LRP1B: variants seen among roughly 807,000 people sequenced by gnomAD.
The protein encoded by LRP1B is LDL receptor related protein 1B, also known as low-density lipoprotein receptor-related protein 1B.
Under a neutral mutation model 556.6 loss-of-function variants are expected in LRP1B, and 217 were observed. That is an observed-to-expected ratio of 0.39 (90% CI 0.35 to 0.44). LRP1B has a LOEUF of 0.44. LRP1B is among the 20% of genes least tolerant of loss of function. LRP1B has a pLI of 1.00. For missense variants in LRP1B, 5,053 were observed against 5,620.8 expected (o/e 0.90, Z 3.23); for synonymous variants, 2,047 against 1,865.8 (o/e 1.10, Z -2.50).
chr2:140,946,746 A>G (rs1695560316), intron 20 of LRP1B, among the ~76,000 whole-genome samples: 1 of 152,154 alleles, frequency 6.6e-6, no homozygotes, highest in Non-Finnish European at 1.5e-5. Flanking sequence ...TCACTGCACT[A>G]CTCACAGTGG....
At chr2:141,737,540 A>G (rs932564568) in intron 2 of LRP1B, among the ~76,000 whole-genome samples, 1 of 152,104 alleles carries the variant, frequency 6.6e-6, no homozygotes, top group African/African-American at 2.4e-5. Flanking sequence ...ATAATAAATT[A>G]TTGCCTTCAG....
intron 56 of LRP1B, among the ~76,000 whole-genome samples, chr2:140,494,426 C>T (rs957639996): frequency 6.6e-6 from 1 of 151,670 alleles, no homozygotes; most frequent in South Asian, 2.1e-4. Context: ...ACGGTGAAAC[C>T]CCATCTCTAC....
intron 66 of LRP1B, among the ~76,000 whole-genome samples, chr2:140,419,132 A>C (rs1359023002): frequency 1.3e-5 from 2 of 152,214 alleles, no homozygotes; most frequent in African/African-American, 4.8e-5. Flanking sequence ...ATTCCATGCT[A>C]ATAATAATCA....
At chr2:141,576,434 C>T (rs1842933) in intron 2 of LRP1B, among the ~76,000 whole-genome samples, 43,081 of 151,878 alleles carry the variant, frequency 0.28, 6,748 homozygotes, top group East Asian at 0.61. Flanking sequence ...GAACAACATA[C>T]ACCAGGGCCT....
intron 35 of LRP1B, among the ~76,000 whole-genome samples, chr2:140,727,146 G>C (rs2105488372): frequency 6.6e-6 from 1 of 152,202 alleles, no homozygotes; most frequent in Middle Eastern, 3.4e-3. Flanking sequence ...TAAGTAAATA[G>C]TAATAAACCT....
intron 43 of LRP1B, among the ~76,000 whole-genome samples, chr2:140,552,962 A>G (rs1680599246): frequency 6.6e-6 from 1 of 152,064 alleles, no homozygotes; most frequent in Non-Finnish European, 1.5e-5. Flanking sequence ...TGGTGAAAGC[A>G]CTCAAACCAG....
chr2:140,770,813 C>CATCT (rs1214121866), intron 34 of LRP1B, 68 bp downstream of exon 34: 5 of 1,363,554 alleles, frequency 3.7e-6, no homozygotes, highest in Non-Finnish European at 3.9e-6. Flanking sequence ...GGTTGCCTAA[C>CATCT]ATCTGCATGG....
At chr2:140,660,083 A>G (rs908159621) in intron 41 of LRP1B, among the ~76,000 whole-genome samples, 1 of 152,018 alleles carries the variant, frequency 6.6e-6, no homozygotes, top group Non-Finnish European at 1.5e-5. Flanking sequence ...CAAAAAGTGT[A>G]TATTATTAGA....
intron 2 of LRP1B, among the ~76,000 whole-genome samples, chr2:141,699,588 C>T (rs12373842): frequency 0.34 from 51,193 of 150,990 alleles, 9,207 homozygotes; most frequent in East Asian, 0.58. Flanking sequence ...TAACCTGTAC[C>T]CTGTTACAAC....
At chr2:140,659,884 T>A (rs569362146) in intron 41 of LRP1B, among the ~76,000 whole-genome samples, 1 of 151,908 alleles carries the variant, frequency 6.6e-6, no homozygotes, top group Non-Finnish European at 1.5e-5. Flanking sequence ...ATTTGGGGAG[T>A]AACACATTGA....
intron 3 of LRP1B, among the ~76,000 whole-genome samples, chr2:141,379,373 A>C (rs886490609): frequency 6.6e-6 from 1 of 152,186 alleles, no homozygotes; most frequent in African/African-American, 2.4e-5. Context: ...AGAAATGTTA[A>C]AGGGAGAGAG....
chr2:140,354,551 A>G (rs896306759), intron 75 of LRP1B, among the ~76,000 whole-genome samples: 1 of 152,096 alleles, frequency 6.6e-6, no homozygotes, highest in Non-Finnish European at 1.5e-5. Flanking sequence ...TGATTTGTTC[A>G]GCCCCTGTAA....
intron 1 of LRP1B, among the ~76,000 whole-genome samples, chr2:142,039,082 T>C (rs1703980296): frequency 6.6e-6 from 1 of 151,550 alleles, no homozygotes. Context: ...CCAACATTTC[T>C]GACACAGCCA....
At chr2:140,934,619 T>C (rs943404957) in intron 20 of LRP1B, among the ~76,000 whole-genome samples, 1 of 152,148 alleles carries the variant, frequency 6.6e-6, no homozygotes, top group Non-Finnish European at 1.5e-5. Flanking sequence ...CCTGTATTCC[T>C]GGAGCAGCTT....
intron 7 of LRP1B, among the ~76,000 whole-genome samples, chr2:141,171,626 G>C (rs1680501716): frequency 1.3e-5 from 2 of 152,044 alleles, no homozygotes; most frequent in Admixed American, 6.6e-5. Flanking sequence ...CATCTCATCA[G>C]AAAACCTCCC....
intron 1 of LRP1B, among the ~76,000 whole-genome samples, chr2:142,082,992 G>A (rs550181440): frequency 1.3e-5 from 2 of 152,252 alleles, no homozygotes; most frequent in East Asian, 3.9e-4. Context: ...AAATTTCTAT[G>A]TAGAGATAAA....
At chr2:140,797,760 G>A (rs1690368617) in intron 32 of LRP1B, among the ~76,000 whole-genome samples, 1 of 152,096 alleles carries the variant, frequency 6.6e-6, no homozygotes, top group Non-Finnish European at 1.5e-5. Context: ...TAAAGGTTCT[G>A]TAGAGAGGGA....
chr2:141,651,202 T>C (rs1689775989), intron 2 of LRP1B, among the ~76,000 whole-genome samples: 1 of 152,212 alleles, frequency 6.6e-6, no homozygotes, highest in Admixed American at 6.5e-5. Flanking sequence ...TTATGTCTAC[T>C]GTAACTAGTG....
rs1012833930 is a variant in LRP1B, at chr2:141,123,433, A to AT, written c.1014-61161dup. Among the ~76,000 whole-genome samples, 53 of 152,120 alleles carry AT rather than the reference A, an allele frequency of 3.5e-4. No homozygotes were observed. The Middle Eastern group carries it at 0.014, about 39-fold the overall frequency. ...TGTCTTTTCTTCACTATTTCAAATG[A>AT]TTTATTAATCTGGTATCTGGTTAAT... is the stretch of plus-strand genomic sequence containing the variant. On this transcript the variant is annotated intron_variant, in intron 7 of 90. Transcript: ENST00000389484.
Sources: gnomAD v4.1 joint callset for allele counts (sites outside exome capture counted in the v4.1 genomes callset) on GRCh38, gnomAD v4.1.1 for gene constraint, MANE v1.5 for transcripts, NCBI Gene and HGNC (gene_info 2026-07-23, HGNC 2026-07-21) for gene names.